UTRN: variants seen among roughly 807,000 people sequenced by gnomAD.
UTRN encodes utrophin.
UTRN carries 283 observed loss-of-function variants against 463.9 expected under a neutral mutation model. That is an observed-to-expected ratio of 0.61 (90% CI 0.55 to 0.67). The LOEUF is 0.67. UTRN is among the 30% of genes least tolerant of loss of function. The probability of loss-of-function intolerance (pLI) is 0.00; values close to 1 mark genes in which losing one functional copy is unlikely to be tolerated. For synonymous variants in UTRN, 1,442 were observed against 1,431.5 expected, an observed-to-expected ratio of 1.01 and a Z score of -0.17; for missense variants, 3,922 against 4,084.3, an observed-to-expected ratio of 0.96 and a Z score of 1.08.
intron 27 of UTRN, 63 bp from the exon 28 acceptor site, chr6:144,485,322 T>C: frequency 6.3e-7 from 1 of 1,593,612 alleles, no homozygotes; most frequent in Non-Finnish European, 8.6e-7. Context: ...AGAGAATGTG[T>C]AGTACTAGAG....
intron 53 of UTRN, among the ~76,000 whole-genome samples, chr6:144,713,749 C>T (rs1341378017): frequency 6.6e-6 from 1 of 151,132 alleles, no homozygotes; most frequent in Non-Finnish European, 1.5e-5. Context: ...GGAGAAACCC[C>T]GTCTCTACTA....
At chr6:144,397,279 A>G (rs1782527313) in intron 2 of UTRN, among the ~76,000 whole-genome samples, 2 of 152,020 alleles carry the variant, frequency 1.3e-5, no homozygotes, top group African/African-American at 4.8e-5. Flanking sequence ...GCTGAACATG[A>G]TATAAATTCT....
chr6:144,601,393 A>G (rs370412877), intron 51 of UTRN, among the ~76,000 whole-genome samples: 87 of 152,266 alleles, frequency 5.7e-4, no homozygotes, highest in Non-Finnish European at 7.3e-4. Context: ...CATTTACAGG[A>G]GTTTGGAAGA....
intron 40 of UTRN, among the ~76,000 whole-genome samples, chr6:144,522,626 C>G (rs1796205349): frequency 6.6e-6 from 1 of 152,118 alleles, no homozygotes; most frequent in East Asian, 1.9e-4. Context: ...TGTAAAATCA[C>G]AATAAATTCA....
chr6:144,554,649 A>C, intron 48 of UTRN, 39 bp from the exon 49 acceptor site: 1 of 1,601,644 alleles, frequency 6.2e-7, no homozygotes, highest in Non-Finnish European at 8.5e-7. Flanking sequence ...TGAGGGTTAC[A>C]TGTTGGGATT....
chr6:144,317,424 A>G (rs1175773356), intron 2 of UTRN, among the ~76,000 whole-genome samples: 2 of 152,076 alleles, frequency 1.3e-5, no homozygotes, highest in Admixed American at 1.3e-4. Flanking sequence ...ATTTTTTTTG[A>G]GATGGAGTCT....
intron 64 of UTRN, among the ~76,000 whole-genome samples, chr6:144,801,209 T>TGAGA (rs2128746560): frequency 6.6e-6 from 1 of 152,212 alleles, no homozygotes; most frequent in South Asian, 2.1e-4. Flanking sequence ...GTATTTCGAA[T>TGAGA]GAGAGAGAAA....
intron 2 of UTRN, among the ~76,000 whole-genome samples, chr6:144,389,455 A>G (rs1003454558): frequency 2.6e-5 from 4 of 152,174 alleles, no homozygotes; most frequent in Non-Finnish European, 5.9e-5. Context: ...TTTTGGTGCA[A>G]AGAGGAATTT....
intron 51 of UTRN, among the ~76,000 whole-genome samples, chr6:144,625,726 T>C (rs763774780): frequency 4.6e-5 from 7 of 152,216 alleles, no homozygotes; most frequent in Non-Finnish European, 1.0e-4. Flanking sequence ...CTATTACTTA[T>C]TAGAATCTTT....
intron 2 of UTRN, among the ~76,000 whole-genome samples, chr6:144,349,688 A>G (rs1777942295): frequency 6.6e-6 from 1 of 152,196 alleles, no homozygotes; most frequent in African/African-American, 2.4e-5. Flanking sequence ...TGTTTTTGAT[A>G]TATTTTTCCT....
intron 2 of UTRN, among the ~76,000 whole-genome samples, chr6:144,306,411 G>A (rs73585099): frequency 0.06 from 9,181 of 152,074 alleles, 905 homozygotes; most frequent in African/African-American, 0.21. Context: ...GGAGGAGAGG[G>A]GAGAGTTTAG....
chr6:144,679,218 A>G (rs999335672), intron 52 of UTRN, among the ~76,000 whole-genome samples: 3 of 152,170 alleles, frequency 2.0e-5, no homozygotes, highest in East Asian at 1.9e-4. Context: ...CCTTAGGACC[A>G]GAATTCTGAC....
At chr6:144,389,479 A>G (rs971856077) in intron 2 of UTRN, among the ~76,000 whole-genome samples, 2 of 151,936 alleles carry the variant, frequency 1.3e-5, no homozygotes, top group African/African-American at 4.8e-5. Context: ...TCCTTAATCA[A>G]TTTCTTTCTG....
rs6935228 is a variant in UTRN at position 144,678,106 on chromosome 6, G to A, written c.7480-300G>A. ...GCCCAGAGTAATTGATAGATTCAGT[G>A]CTATTCCCATCAAGCTACCATTGAC... is the stretch of plus-strand genomic sequence containing the variant. On this transcript the variant is annotated intron_variant, in intron 51 of 74. Coordinates refer to ENST00000367545, the MANE Select transcript of UTRN (RefSeq NM_007124.3). Among the ~76,000 whole-genome samples the A allele has an allele frequency of 6.5e-3, 989 of 152,186 alleles. 13 individuals carry two copies. Among genetic ancestry groups the A allele is most frequent in the African/African-American group, 0.023 (946 of 41,540 alleles).
chr6:144,718,883 C>T (rs576583775), intron 53 of UTRN, among the ~76,000 whole-genome samples: 2 of 152,318 alleles, frequency 1.3e-5, no homozygotes, highest in South Asian at 2.1e-4. Flanking sequence ...AAGGCTGCAG[C>T]TCATGCTGGT....
chr6:144,468,814 T>C (rs913990521), intron 23 of UTRN, among the ~76,000 whole-genome samples: 1 of 152,204 alleles, frequency 6.6e-6, no homozygotes, highest in African/African-American at 2.4e-5. Context: ...ACTTTTGGTA[T>C]GTTTGAAAAG....
At chr6:144,696,424 A>G (rs1349800656) in intron 52 of UTRN, among the ~76,000 whole-genome samples, 1 of 152,172 alleles carries the variant, frequency 6.6e-6, no homozygotes, top group African/African-American at 2.4e-5. Flanking sequence ...TATTTATCCT[A>G]AATTAAAATT....
At chr6:144,443,173 G>A (rs1010943082) in intron 13 of UTRN, among the ~76,000 whole-genome samples, 12 of 152,118 alleles carry the variant, frequency 7.9e-5, no homozygotes, top group Non-Finnish European at 1.6e-4. Context: ...CTGGTAAGAC[G>A]TTGCCAATTT....
intron 49 of UTRN, among the ~76,000 whole-genome samples, chr6:144,556,790 T>C (rs904968744): frequency 1.7e-4 from 26 of 152,186 alleles, no homozygotes; most frequent in Non-Finnish European, 2.8e-4. Flanking sequence ...TCTCCAGGCA[T>C]GTATGCAGGA....
Sources: gnomAD v4.1 joint callset for allele counts (sites outside exome capture counted in the v4.1 genomes callset) on GRCh38, gnomAD v4.1.1 for gene constraint, MANE v1.5 for transcripts, NCBI Gene and HGNC (gene_info 2026-07-23, HGNC 2026-07-21) for gene names.